Variants in ALDH1L1 observed in about 807,000 individuals in gnomAD.
ALDH1L1 encodes the protein aldehyde dehydrogenase 1 family member L1, also known as cytosolic 10-formyltetrahydrofolate dehydrogenase.
A neutral mutation model predicts 101.1 loss-of-function variants in ALDH1L1; 68 were observed. That is an observed-to-expected ratio of 0.67 (90% CI 0.55 to 0.82). The LOEUF (loss-of-function observed/expected upper bound fraction) is 0.82, where lower values mean the gene tolerates loss of function less well. ALDH1L1 is among the 40% of genes least tolerant of loss of function. The probability of loss-of-function intolerance (pLI) is 0.00; values close to 1 mark genes in which losing one functional copy is unlikely to be tolerated. For missense variants in ALDH1L1, 1,087 were observed against 1,172.7 expected (o/e 0.93, Z 1.07); for synonymous variants, 486 against 470.8 (o/e 1.03, Z -0.42).
rs746846655 is a variant in ALDH1L1 at position 126,146,969 on chromosome 3, G to T, written c.985-43C>A. On this transcript the variant is annotated intron_variant, in intron 8 of 22. Transcript: ENST00000393434. ...ATGAGAGGCTGGCCCCAGGGGAGCT[G>T]GGGACAAGTGCCACTCCAGGACAAC... 3.8e-6 allele frequency: 6 copies of T among 1,584,116 alleles called. No homozygotes were observed. The African/African-American group carries it at 5.4e-5, about 14-fold the overall frequency.
Position 126,131,384 on chromosome 3 carries a change from C to G in ALDH1L1, c.1623G>C (p.Gln541His). 6.3e-7 allele frequency: 1 copy of G among 1,596,550 alleles called. No individual in the cohort carries two copies. The highest frequency in any genetic ancestry group is 8.6e-7 in the Non-Finnish European group (1 of 1,166,088). The change falls in exon 13 of 23, where the codon CAG (glutamine) becomes CAC (histidine). Residue 541 changes from glutamine (Q) to histidine (H), a missense_variant and splice_region_variant. Coordinates refer to ENST00000393434, the MANE Select transcript of ALDH1L1 (RefSeq NM_012190.4). ...RYFAGWCDKI[Q>H]GSTIPINQAR... ...CACTGGGTGGGAGCCTGGGCCCCAC[C>G]TGGATCTTGTCACACCAGCCAGCAA...
intron 22 of ALDH1L1, 111 bp from the exon 23 acceptor site, chr3:126,103,957 C>A (rs1299630305): frequency 8.1e-7 from 1 of 1,238,246 alleles, no homozygotes; most frequent in African/African-American, 1.5e-5. Flanking sequence ...TGGCTCACCC[C>A]ACTTCCAGGT....
intron 19 of ALDH1L1, 123 bp downstream of exon 19, chr3:126,112,659 G>C (rs374414207): frequency 2.4e-5 from 21 of 865,444 alleles, no homozygotes; most frequent in Admixed American, 4.0e-5. Context: ...CCCGGGGGGA[G>C]TGTCCTCCAG....
rs113725621 is a variant in ALDH1L1, at chr3:126,135,407, C to T, written c.1472+128G>A. On this transcript the variant is annotated intron_variant, in intron 12 of 22. Transcript: ENST00000393434. Reference sequence around the variant, plus strand: ...CCCAGCCTGGCCCATCTGATGGCCTCGGTCCCATAGCCTCCCCAGGACCCA... The same window carrying T: ...CCCAGCCTGGCCCATCTGATGGCCTTGGTCCCATAGCCTCCCCAGGACCCA... 15,996 of 1,324,534 alleles carry T rather than the reference C, an allele frequency of 0.012. 1,472 individuals are homozygous for T. The African/African-American group carries it at 0.21, about 17-fold the overall frequency. The allele number at this position is 1,324,534 out of a possible 1,614,324, so 82.0% of individuals were successfully genotyped here. A position where few individuals can be genotyped will look rare whatever the true frequency, so the allele number is the denominator to read the frequency against.
chr3:126,136,096 C>G (rs1278763503), intron 11 of ALDH1L1, among the ~76,000 whole-genome samples: 2 of 152,188 alleles, frequency 1.3e-5, no homozygotes, highest in African/African-American at 2.4e-5. Context: ...CCCAAGGGCA[C>G]CGCACTGTCC....
At chr3:126,172,759 C>G (rs935648320) in intron 1 of ALDH1L1, among the ~76,000 whole-genome samples, 8 of 150,842 alleles carry the variant, frequency 5.3e-5, no homozygotes, top group African/African-American at 2.0e-4. Context: ...AAAGATCACC[C>G]CCCACCCCCC....
intron 18 of ALDH1L1, among the ~76,000 whole-genome samples, chr3:126,113,337 G>A (rs1946140639): frequency 6.6e-6 from 1 of 152,200 alleles, no homozygotes. Flanking sequence ...ACAGGGCAGA[G>A]GGTGGGACAC....
intron 1 of ALDH1L1, among the ~76,000 whole-genome samples, chr3:126,189,196 C>A (rs1283200436): frequency 6.6e-6 from 1 of 152,106 alleles, no homozygotes; most frequent in Non-Finnish European, 1.5e-5. Context: ...TCCCTTAGAT[C>A]ATGTAAAGTT....
chr3:126,181,023 C>A (rs907534265), upstream of ALDH1L1: 38 of 1,597,838 alleles, frequency 2.4e-5, no homozygotes, highest in Middle Eastern at 9.9e-4. Context: ...AATTTGCAGC[C>A]GCTTGCAGAG....
intron 2 of ALDH1L1, 120 bp from the exon 3 acceptor site, chr3:126,158,759 C>G: frequency 1.1e-6 from 1 of 925,396 alleles, no homozygotes; most frequent in Non-Finnish European, 1.6e-6. Context: ...CTCACCCACA[C>G]CCCAGCCAGG....
rs548428875 is a variant in ALDH1L1, at chr3:126,133,192, C to T, written c.1473-1658G>A. Reference sequence around the variant, plus strand: ...GTTTTTAGCCACTTAGGGCCCGCTGCTTTGCATACCCAGAGGAACCTCAAC... The same window carrying T: ...GTTTTTAGCCACTTAGGGCCCGCTGTTTTGCATACCCAGAGGAACCTCAAC... On this transcript the variant is annotated intron_variant, in intron 12 of 22. Transcript: ENST00000393434. 4.6e-5 allele frequency among the ~76,000 whole-genome samples: 7 copies of T among 152,342 alleles called. No individual in the cohort carries two copies. The East Asian group carries it at 1.2e-3, about 25-fold the overall frequency.
intron 14 of ALDH1L1, 63 bp downstream of exon 14, chr3:126,130,160 A>G (rs1195193747): frequency 6.8e-7 from 1 of 1,464,476 alleles, no homozygotes; most frequent in Non-Finnish European, 9.2e-7. Flanking sequence ...AGGCTGTGCT[A>G]CAGTTCCGTG....
intron 1 of ALDH1L1, among the ~76,000 whole-genome samples, chr3:126,193,588 T>C (rs956512000): frequency 6.6e-6 from 1 of 152,186 alleles, no homozygotes; most frequent in African/African-American, 2.4e-5. Context: ...GTCCTCATGG[T>C]CCCATGTTTC....
At chr3:126,160,815 G>A (rs746036327) in intron 2 of ALDH1L1, 38 bp downstream of exon 2, 33 of 1,605,548 alleles carry the variant, frequency 2.1e-5, no homozygotes, top group Admixed American at 1.0e-4. Context: ...TGGGCGGGCC[G>A]CCCTCCATCA....
intron 14 of ALDH1L1, chr3:126,128,782 T>C (rs1239631764): frequency 6.6e-6 from 1 of 152,296 alleles, no homozygotes; most frequent in East Asian, 1.9e-4. Flanking sequence ...GACATAGGGA[T>C]GCTTCTGGGT....
intron 9 of ALDH1L1, among the ~76,000 whole-genome samples, chr3:126,145,870 T>G (rs1190742374): frequency 1.3e-5 from 2 of 152,226 alleles, no homozygotes; most frequent in African/African-American, 4.8e-5. Context: ...CTCTTAACTA[T>G]TTACAGAAAA....
chr3:126,151,207 G>GA (rs1256174394), intron 7 of ALDH1L1: 17 of 151,610 alleles, frequency 1.1e-4, no homozygotes, highest in Admixed American at 5.3e-4. Flanking sequence ...AGTCAACTTA[G>GA]AAAAAAAAAC....
intron 5 of ALDH1L1, among the ~76,000 whole-genome samples, 190 bp from the exon 6 acceptor site, chr3:126,154,833 C>T (rs1340329702): frequency 6.6e-6 from 1 of 152,198 alleles, no homozygotes; most frequent in East Asian, 1.9e-4. Context: ...CTCTCATGGG[C>T]TGAGCAGACT....
chr3:126,149,407 C>T (rs919867261), intron 8 of ALDH1L1, among the ~76,000 whole-genome samples: 2 of 152,214 alleles, frequency 1.3e-5, no homozygotes, highest in South Asian at 2.1e-4. Context: ...CATCTACAAA[C>T]GATGACCCCA....
Sources: gnomAD v4.1 joint callset for allele counts (sites outside exome capture counted in the v4.1 genomes callset) on GRCh38, gnomAD v4.1.1 for gene constraint, MANE v1.5 for transcripts, NCBI Gene and HGNC (gene_info 2026-07-23, HGNC 2026-07-21) for gene names.